STAU2: variants seen among roughly 807,000 people sequenced by gnomAD.
STAU2 encodes staufen double-stranded RNA binding protein 2.
STAU2 carries 20 observed loss-of-function variants against 65.9 expected under a neutral mutation model. The observed-to-expected ratio is 0.30, with a 90% CI of 0.21 to 0.44. The LOEUF is 0.44. STAU2 is among the 20% of genes least tolerant of loss of function. The probability of loss-of-function intolerance (pLI) is 1.00; values close to 1 mark genes in which losing one functional copy is unlikely to be tolerated. For synonymous variants in STAU2, 232 were observed against 233.9 expected (o/e 0.99, Z 0.07); for missense variants, 558 against 683.9 (o/e 0.82, Z 2.05).
At chr8:73,562,518 T>C (rs1033229905) in intron 12 of STAU2, among the ~76,000 whole-genome samples, 1 of 152,196 alleles carries the variant, frequency 6.6e-6, no homozygotes, top group Non-Finnish European at 1.5e-5. Context: ...TTTTTCTCAC[T>C]GTAAAACCAC....
At chr8:73,539,399 T>G (rs1806379157) in intron 13 of STAU2, among the ~76,000 whole-genome samples, 1 of 152,108 alleles carries the variant, frequency 6.6e-6, no homozygotes, top group Non-Finnish European at 1.5e-5. Flanking sequence ...CTGCAATTAA[T>G]GAATGGATAT....
chr8:73,740,022 G>A (rs1370534252), intron 1 of STAU2, among the ~76,000 whole-genome samples, 154 bp from the exon 2 acceptor site: 1 of 152,304 alleles, frequency 6.6e-6, no homozygotes, highest in African/African-American at 2.4e-5. Context: ...GCAAAGAACT[G>A]AGAAAAGCCT....
At chr8:73,520,414 ATTAATT>A (rs1822979481) in intron 13 of STAU2, among the ~76,000 whole-genome samples, 1 of 152,248 alleles carries the variant, frequency 6.6e-6, no homozygotes, top group African/African-American at 2.4e-5. Flanking sequence ...TATTATTACA[ATTAATT>A]TTAACTGTTT....
intron 3 of STAU2, among the ~76,000 whole-genome samples, chr8:73,719,821 T>C (rs1469089705): frequency 6.6e-6 from 1 of 152,226 alleles, no homozygotes; most frequent in Non-Finnish European, 1.5e-5. Flanking sequence ...AATGCTGGCA[T>C]CATGAGCCTT....
intron 12 of STAU2, among the ~76,000 whole-genome samples, chr8:73,562,532 T>C (rs964646644): frequency 2.3e-4 from 35 of 152,116 alleles, no homozygotes; most frequent in African/African-American, 7.7e-4. Context: ...AAACCACCCA[T>C]TGGGAAAAAT....
chr8:73,481,804 A>G (rs1409164929), intron 13 of STAU2, among the ~76,000 whole-genome samples: 2 of 152,150 alleles, frequency 1.3e-5, no homozygotes, highest in East Asian at 3.9e-4. Flanking sequence ...ACATGTAACC[A>G]GTGAGTTTTG....
chr8:73,671,872 A>C (rs10105582), intron 6 of STAU2, among the ~76,000 whole-genome samples: 11,017 of 152,066 alleles, frequency 0.072, 435 homozygotes, highest in Middle Eastern at 0.14. Flanking sequence ...CTAAAATACA[A>C]AAATTAGCCA....
chr8:73,433,625 C>T (rs540055948), intron 13 of STAU2, among the ~76,000 whole-genome samples: 1 of 151,226 alleles, frequency 6.6e-6, no homozygotes, highest in African/African-American at 2.5e-5. Flanking sequence ...CTCAGCCTCC[C>T]GAGTAGCTGG....
At chr8:73,553,789 C>T (rs1241004779) in intron 12 of STAU2, among the ~76,000 whole-genome samples, 2 of 151,572 alleles carry the variant, frequency 1.3e-5, no homozygotes, top group Non-Finnish European at 2.9e-5. Context: ...CTGCTTGCTA[C>T]TTTTTAAAGT....
chr8:73,510,059 ATTTCTT>A (rs1451922867), intron 13 of STAU2, among the ~76,000 whole-genome samples: 3 of 152,106 alleles, frequency 2.0e-5, no homozygotes, highest in South Asian at 2.1e-4. Context: ...TGGAAAGTAT[ATTTCTT>A]TTTCTTTTTC....
At chr8:73,693,967 T>C (rs1819530974) in intron 4 of STAU2, among the ~76,000 whole-genome samples, 1 of 152,196 alleles carries the variant, frequency 6.6e-6, no homozygotes, top group Non-Finnish European at 1.5e-5. Context: ...ACAAAAACTG[T>C]ACTTCAAATA....
chr8:73,458,256 T>TA (rs1469614823), intron 13 of STAU2, among the ~76,000 whole-genome samples: 1 of 152,236 alleles, frequency 6.6e-6, no homozygotes, highest in Non-Finnish European at 1.5e-5. Flanking sequence ...TTTTCCTCAT[T>TA]AGACAATTCA....
intron 13 of STAU2, among the ~76,000 whole-genome samples, chr8:73,495,004 G>A (rs1414256019): frequency 6.6e-6 from 1 of 151,490 alleles, no homozygotes; most frequent in Non-Finnish European, 1.5e-5. Context: ...ATATTCTCCG[G>A]CTTCTTTTAT....
At chr8:73,468,605 A>G (rs1248271922) in intron 13 of STAU2, among the ~76,000 whole-genome samples, 1 of 152,248 alleles carries the variant, frequency 6.6e-6, no homozygotes, top group African/African-American at 2.4e-5. Context: ...AAACAAATTT[A>G]CAAGAAAAAA....
intron 13 of STAU2, chr8:73,549,758 A>G (rs2128941995): frequency 1.0e-6 from 1 of 985,842 alleles, no homozygotes; most frequent in Non-Finnish European, 1.2e-6. Context: ...TCAGTGTGCA[A>G]TAAAATAAAA....
At chr8:73,741,693 T>G (rs1806894973) in intron 1 of STAU2, among the ~76,000 whole-genome samples, 1 of 151,858 alleles carries the variant, frequency 6.6e-6, no homozygotes, top group Non-Finnish European at 1.5e-5. Context: ...TTGTATTTTT[T>G]GTAGAGACGG....
chr8:73,679,568 G>A (rs1238944255), intron 5 of STAU2, among the ~76,000 whole-genome samples: 2 of 152,056 alleles, frequency 1.3e-5, no homozygotes, highest in Admixed American at 1.3e-4. Flanking sequence ...CAAATTTAGA[G>A]AGCTGAGCGA....
chr8:73,711,464 T>C (rs1820895585), intron 3 of STAU2, among the ~76,000 whole-genome samples: 1 of 152,142 alleles, frequency 6.6e-6, no homozygotes, highest in African/African-American at 2.4e-5. Flanking sequence ...TCAGCCAATT[T>C]TGCATAACAC....
intron 1 of STAU2, among the ~76,000 whole-genome samples, chr8:73,745,942 G>A (rs1209295553): frequency 6.6e-6 from 1 of 150,680 alleles, no homozygotes; most frequent in African/African-American, 2.4e-5. Context: ...CAGCCCCCAA[G>A]CCACAGCCCC....
Sources: gnomAD v4.1 joint callset for allele counts (sites outside exome capture counted in the v4.1 genomes callset) on GRCh38, gnomAD v4.1.1 for gene constraint, MANE v1.5 for transcripts, NCBI Gene and HGNC (gene_info 2026-07-23, HGNC 2026-07-21) for gene names.